Variants in PSMA5 observed in about 807,000 individuals in gnomAD.
PSMA5 encodes proteasome subunit alpha type-5.
PSMA5 carries 3 observed loss-of-function variants against 34.5 expected under a neutral mutation model. The ratio of observed to expected loss-of-function variants is 0.09; its 90% CI spans 0.04 to 0.22. The LOEUF is 0.22. Ranked by LOEUF, PSMA5 falls within the 10% of genes least tolerant of loss-of-function variation. PSMA5 has a pLI of 1.00. For synonymous variants in PSMA5, 88 were observed against 95.8 expected (o/e 0.92, Z 0.47); for missense variants, 120 against 286.1 (o/e 0.42, Z 4.19).
chr1:109,422,062 A>C, intron 1 of PSMA5, 136 bp from the exon 2 acceptor site: 1 of 526,926 alleles, frequency 1.9e-6, no homozygotes. Context: ...CGCCCACAAC[A>C]ATCTGTAGCA....
At chr1:109,410,828 G>C (rs1355728208) in intron 7 of PSMA5, among the ~76,000 whole-genome samples, 183 bp downstream of exon 7, 1 of 152,202 alleles carries the variant, frequency 6.6e-6, no homozygotes, top group East Asian at 1.9e-4. Context: ...AAACATGGTT[G>C]CAAGGGAGGG....
Position 109,399,481 on chromosome 1 carries a change from CTTTG to C in PSMA5, c.*2528_*2531del, listed in dbSNP as rs1343800596. 5.9e-5 allele frequency: 9 copies of C among 152,284 alleles called. No individual in the cohort carries two copies. The East Asian group carries it at 1.2e-3, about 20-fold the overall frequency. 9.4% of individuals were successfully genotyped at this position (152,284 alleles called of 1,614,324 possible). ...GAAAGGGGGTTATAAAGGAATATTT[CTTTG>C]TTTGGGTGACACAAAGATGAATGGT... On this transcript the variant is annotated 3_prime_UTR_variant, in exon 9 of 9. Transcript: ENST00000271308.
chr1:109,407,114 T>G (rs1653798140), intron 8 of PSMA5, among the ~76,000 whole-genome samples: 1 of 151,942 alleles, frequency 6.6e-6, no homozygotes, highest in Non-Finnish European at 1.5e-5. Context: ...GCCTCTGGAG[T>G]AGCTGGGACT....
intron 2 of PSMA5, among the ~76,000 whole-genome samples, chr1:109,420,020 G>C (rs10858095): frequency 0.65 from 98,877 of 151,228 alleles, 33,967 homozygotes; most frequent in East Asian, 0.96. Context: ...TAATTTGCCT[G>C]AATGTTTTGA....
intron 2 of PSMA5, 142 bp from the exon 3 acceptor site, chr1:109,415,505 A>G: frequency 1.5e-6 from 1 of 687,958 alleles, no homozygotes; most frequent in Non-Finnish European, 2.1e-6. Flanking sequence ...GCACCCTAAC[A>G]TACTGTAAGT....
chr1:109,405,043 C>T (rs75728716), intron 8 of PSMA5, among the ~76,000 whole-genome samples: 11 of 152,166 alleles, frequency 7.2e-5, no homozygotes, highest in African/African-American at 2.2e-4. Context: ...CAAAAGAACA[C>T]GACATATTTG....
chr1:109,405,514 T>C (rs1653721001), intron 8 of PSMA5, among the ~76,000 whole-genome samples: 1 of 136,856 alleles, frequency 7.3e-6, no homozygotes, highest in African/African-American at 2.7e-5. Context: ...TCCAGCTCAC[T>C]GCAACCTCCG....
chr1:109,405,539 G>A (rs1653722826), intron 8 of PSMA5, among the ~76,000 whole-genome samples: 1 of 139,148 alleles, frequency 7.2e-6, no homozygotes, highest in Non-Finnish European at 1.5e-5. Context: ...CTGGGTTCAA[G>A]CAATTCTCAT....
At chr1:109,404,134 G>A (rs1401157028) in intron 8 of PSMA5, among the ~76,000 whole-genome samples, 1 of 152,064 alleles carries the variant, frequency 6.6e-6, no homozygotes, top group Admixed American at 6.6e-5. Context: ...GACCAGCCTG[G>A]TGAACATGGC....
At chr1:109,404,980 G>A (rs1653688359) in intron 8 of PSMA5, among the ~76,000 whole-genome samples, 1 of 152,222 alleles carries the variant, frequency 6.6e-6, no homozygotes, top group Non-Finnish European at 1.5e-5. Flanking sequence ...GGCAAGAATG[G>A]GTCAGACAGT....
chr1:109,421,545 G>GT (rs1654445809), intron 2 of PSMA5, among the ~76,000 whole-genome samples: 1 of 151,566 alleles, frequency 6.6e-6, no homozygotes, highest in African/African-American at 2.4e-5. Context: ...AACAGAAAAA[G>GT]TAATACAGGT....
intron 2 of PSMA5, among the ~76,000 whole-genome samples, chr1:109,419,877 G>A (rs1200723423): frequency 1.3e-5 from 2 of 151,472 alleles, no homozygotes; most frequent in African/African-American, 4.9e-5. Context: ...TGGGGGCTGA[G>A]GCGGGAGGAT....
At chr1:109,419,254 A>G (rs578125027) in intron 2 of PSMA5, among the ~76,000 whole-genome samples, 16 of 152,210 alleles carry the variant, frequency 1.1e-4, no homozygotes, top group Non-Finnish European at 2.4e-4. Context: ...GGCCTTACAC[A>G]AGAGGGAGTT....
intron 5 of PSMA5, 56 bp from the exon 6 acceptor site, chr1:109,411,991 G>A (rs1330709636): frequency 1.3e-6 from 2 of 1,587,150 alleles, no homozygotes; most frequent in Non-Finnish European, 1.7e-6. Context: ...AAGGAGGTGA[G>A]AGGGGCTGGG....
In PSMA5 at chr1:109,422,482, C is replaced by CTT. The variant is rs35947865; in HGVS notation, c.30-558_30-557dup. Among the ~76,000 whole-genome samples the CTT allele has an allele frequency of 1.7e-3, 210 of 123,908 alleles. 2 individuals carry two copies. Among genetic ancestry groups the CTT allele is most frequent in the African/African-American group, 4.8e-3 (169 of 35,430 alleles). The allele number at this position is 123,908 out of a possible 152,430, so 81.3% of individuals were successfully genotyped here. A position where few individuals can be genotyped will look rare whatever the true frequency, so the allele number is the denominator to read the frequency against. ...CAATCTCTATAAAACACAGTTATTA[C>CTT]TTTTTTTTTTTTTTTTTTGAGACAG... On this transcript the variant is annotated intron_variant, in intron 1 of 8. Transcript: ENST00000271308.
chr1:109,424,277 T>C (rs1654562204), intron 1 of PSMA5, among the ~76,000 whole-genome samples: 1 of 152,116 alleles, frequency 6.6e-6, no homozygotes, highest in Non-Finnish European at 1.5e-5. Context: ...ACTCACACTA[T>C]AGTTACTTCT....
intron 1 of PSMA5, among the ~76,000 whole-genome samples, chr1:109,425,140 G>C (rs910416098): frequency 2.0e-5 from 3 of 152,184 alleles, no homozygotes; most frequent in Non-Finnish European, 2.9e-5. Context: ...CCAGCACCTA[G>C]AACAGTGCCT....
chr1:109,423,181 G>C (rs1654516390), intron 1 of PSMA5, among the ~76,000 whole-genome samples: 1 of 152,242 alleles, frequency 6.6e-6, no homozygotes, highest in Non-Finnish European at 1.5e-5. Context: ...GCTCACGCCT[G>C]TAATCCCAGC....
At position 109,402,971 on chromosome 1, in the gene PSMA5, C is replaced by G. The variant is rs551363890; in HGVS notation, c.649-881G>C. ...CTGCCCACCTCAGCTTCCCAAAGTG[C>G]TAGGATTACAGATGTGAGCTACTGC... is the stretch of plus-strand genomic sequence containing the variant. On this transcript the variant is annotated intron_variant, in intron 8 of 8. Coordinates refer to ENST00000271308, the MANE Select transcript of PSMA5 (RefSeq NM_002790.4). Among the ~76,000 whole-genome samples the G allele has an allele frequency of 2.4e-4, 36 of 152,312 alleles. 2 individuals are homozygous for G. The South Asian group carries it at 7.5e-3, about 32-fold the overall frequency.
Sources: gnomAD v4.1 joint callset for allele counts (sites outside exome capture counted in the v4.1 genomes callset) on GRCh38, gnomAD v4.1.1 for gene constraint, MANE v1.5 for transcripts, NCBI Gene and HGNC (gene_info 2026-07-23, HGNC 2026-07-21) for gene names.